Variants in OPCML observed in about 807,000 individuals in gnomAD.
OPCML encodes the protein opioid binding protein/cell adhesion molecule like, also known as opioid-binding protein/cell adhesion molecule.
Under a neutral mutation model 37.8 loss-of-function variants are expected in OPCML, and 13 were observed. The observed-to-expected ratio is 0.34, with a 90% CI of 0.22 to 0.55. The LOEUF (loss-of-function observed/expected upper bound fraction) is 0.55. Ranked by LOEUF, OPCML falls within the 20% of genes least tolerant of loss-of-function variation. OPCML has a pLI of 0.91. For synonymous variants in OPCML, 176 were observed against 168.8 expected (o/e 1.04, Z -0.33); for missense variants, 341 against 435.6 (o/e 0.78, Z 1.93).
At chr11:133,066,361 T>C (rs1365042789) in intron 1 of OPCML, 1 of 152,240 alleles carries the variant, frequency 6.6e-6, no homozygotes, top group East Asian at 1.9e-4. Context: ...CCAGTCTCAC[T>C]GCGCCCTCTC....
chr11:132,733,286 A>G (rs1945144140), intron 2 of OPCML, among the ~76,000 whole-genome samples: 1 of 152,058 alleles, frequency 6.6e-6, no homozygotes. Context: ...AGGCGAAGGG[A>G]GGTATAGATA....
intron 4 of OPCML, among the ~76,000 whole-genome samples, chr11:132,518,416 C>T (rs1193648805): frequency 1.3e-5 from 2 of 152,184 alleles, no homozygotes; most frequent in Non-Finnish European, 2.9e-5. Flanking sequence ...CTTTAAAGGG[C>T]TGTAGGCAAT....
intron 1 of OPCML, among the ~76,000 whole-genome samples, chr11:133,499,700 TA>T (rs912684419): frequency 4.0e-5 from 6 of 150,916 alleles, no homozygotes; most frequent in African/African-American, 9.7e-5. Flanking sequence ...GGGTTTTTTT[TA>T]AAATAATAAT....
chr11:133,189,897 T>C (rs114138754), intron 1 of OPCML, among the ~76,000 whole-genome samples: 12 of 152,358 alleles, frequency 7.9e-5, no homozygotes, highest in African/African-American at 2.9e-4. Flanking sequence ...AACACTCTTC[T>C]AATTGAACAG....
intron 1 of OPCML, among the ~76,000 whole-genome samples, chr11:133,074,971 A>G (rs77375115): frequency 0.017 from 2,611 of 152,212 alleles, 71 homozygotes; most frequent in African/African-American, 0.059. Flanking sequence ...AGGCATCCTC[A>G]GCTCACCAGG....
At chr11:133,525,081 G>T (rs1464453935) in intron 1 of OPCML, among the ~76,000 whole-genome samples, 1 of 152,206 alleles carries the variant, frequency 6.6e-6, no homozygotes, top group Non-Finnish European at 1.5e-5. Flanking sequence ...CAATGGTCTA[G>T]GGAGGAAAGA....
chr11:132,788,708 C>T (rs1258586467), intron 2 of OPCML, among the ~76,000 whole-genome samples: 1 of 152,218 alleles, frequency 6.6e-6, no homozygotes, highest in East Asian at 1.9e-4. Context: ...GATGAATTAT[C>T]ATCTCAGTTC....
intron 1 of OPCML, among the ~76,000 whole-genome samples, chr11:133,116,483 G>T (rs890164921): frequency 1.3e-5 from 2 of 152,098 alleles, no homozygotes; most frequent in African/African-American, 4.8e-5. Context: ...CCTTCCTCCA[G>T]CTTTCTTTCT....
chr11:132,474,286 T>G (rs1012226307), intron 4 of OPCML, among the ~76,000 whole-genome samples: 1 of 93,646 alleles, frequency 1.1e-5, no homozygotes, highest in Non-Finnish European at 2.7e-5. Context: ...ACCCTGTTTA[T>G]AATTTGCAAG....
At chr11:133,116,805 C>CATACATATATATATATATATATATAT (rs1280351007) in intron 1 of OPCML, among the ~76,000 whole-genome samples, 2,344 of 143,694 alleles carry the variant, frequency 0.016, 71 homozygotes, top group East Asian at 0.055. Context: ...TAAAACTATA[C>CATACATATATATATATATATATATAT]ATATATATAT....
At chr11:132,935,558 C>G (rs369212835) in intron 2 of OPCML, among the ~76,000 whole-genome samples, 1 of 152,108 alleles carries the variant, frequency 6.6e-6, no homozygotes, top group East Asian at 1.9e-4. Flanking sequence ...TATTCAAAAC[C>G]AATTTCTAAA....
At chr11:133,104,262 G>C (rs1184689852) in intron 1 of OPCML, among the ~76,000 whole-genome samples, 1 of 152,286 alleles carries the variant, frequency 6.6e-6, no homozygotes, top group South Asian at 2.1e-4. Context: ...CAGGCAGCAG[G>C]AGCTGTCCAG....
chr11:132,561,429 A>T (rs1377894177), intron 3 of OPCML, among the ~76,000 whole-genome samples: 1 of 152,160 alleles, frequency 6.6e-6, no homozygotes, highest in East Asian at 1.9e-4. Flanking sequence ...CCACTGACTC[A>T]TCAGCTGCTC....
intron 1 of OPCML, among the ~76,000 whole-genome samples, chr11:133,227,797 G>A (rs1422076375): frequency 6.6e-6 from 1 of 152,104 alleles, no homozygotes; most frequent in African/African-American, 2.4e-5. Flanking sequence ...TCATCGCCAG[G>A]AGCTGCAGTT....
intron 1 of OPCML, among the ~76,000 whole-genome samples, chr11:133,176,811 G>A (rs1336936582): frequency 2.0e-5 from 3 of 152,196 alleles, no homozygotes; most frequent in Admixed American, 2.0e-4. Flanking sequence ...ACTGCCTAAC[G>A]TAGCAAATCA....
chr11:132,816,961 G>T (rs2136237898), intron 2 of OPCML, among the ~76,000 whole-genome samples: 1 of 152,262 alleles, frequency 6.6e-6, no homozygotes, highest in African/African-American at 2.4e-5. Flanking sequence ...CCCTCAGAAA[G>T]GCGTTTCTGT....
intron 1 of OPCML, among the ~76,000 whole-genome samples, chr11:133,113,702 A>G (rs1378589486): frequency 1.3e-5 from 2 of 152,248 alleles, no homozygotes; most frequent in Non-Finnish European, 2.9e-5. Flanking sequence ...AGGGCCAAAG[A>G]GTAAACAAAG....
intron 2 of OPCML, among the ~76,000 whole-genome samples, chr11:132,941,859 G>A (rs1463500816): frequency 6.6e-6 from 1 of 152,190 alleles, no homozygotes. Context: ...TCCAGGGAGA[G>A]GCTTGTCTAG....
At chr11:133,006,717 C>G (rs924763349) in intron 1 of OPCML, 14 of 985,446 alleles carry the variant, frequency 1.4e-5, no homozygotes, top group African/African-American at 5.2e-5. Context: ...ATTGTTCCAG[C>G]ACCTTTCTGC....
Sources: gnomAD v4.1 joint callset for allele counts (sites outside exome capture counted in the v4.1 genomes callset) on GRCh38, gnomAD v4.1.1 for gene constraint, MANE v1.5 for transcripts, NCBI Gene and HGNC (gene_info 2026-07-23, HGNC 2026-07-21) for gene names.